SMG6: variants seen among roughly 807,000 people sequenced by gnomAD.
The protein encoded by SMG6 is telomerase-binding protein EST1A.
Under a neutral mutation model 142.2 loss-of-function variants are expected in SMG6, and 66 were observed. That is an observed-to-expected ratio of 0.46 (90% CI 0.38 to 0.57). The LOEUF (loss-of-function observed/expected upper bound fraction) is 0.57. SMG6 is among the 20% of genes least tolerant of loss of function. SMG6 has a pLI of 0.00. For synonymous variants in SMG6, 779 were observed against 702.4 expected (o/e 1.11, Z -1.72); for missense variants, 1,793 against 1,832.0 (o/e 0.98, Z 0.39).
chr17:2,093,499 T>C (rs1179272537), intron 13 of SMG6, among the ~76,000 whole-genome samples: 2 of 152,070 alleles, frequency 1.3e-5, no homozygotes, highest in Admixed American at 6.6e-5. Flanking sequence ...TGCTCGATAA[T>C]TGAGCAGCTG....
In SMG6 at chr17:2,219,279, G is replaced by A. The variant is rs373698221; in HGVS notation, c.2869+17213C>T. 1.2e-4 allele frequency among the ~76,000 whole-genome samples: 19 copies of A among 152,260 alleles called. No homozygotes were observed. The South Asian group carries it at 2.1e-3, about 17-fold the overall frequency. The stretch of plus-strand genomic sequence containing the variant: ...GGGCACCTGTAGTCCCAGCTACATC[G>A]GAGGCTGAGGCAGGAGAATAGCTTG... On this transcript the variant is annotated intron_variant, in intron 10 of 18. Coordinates refer to ENST00000263073, the MANE Select transcript of SMG6 (RefSeq NM_017575.5).
At chr17:2,139,611 G>A (rs892105388) in intron 13 of SMG6, among the ~76,000 whole-genome samples, 2 of 151,814 alleles carry the variant, frequency 1.3e-5, no homozygotes, top group Non-Finnish European at 2.9e-5. Flanking sequence ...AGTAGAGACG[G>A]GGTTTCGCCA....
chr17:2,136,132 G>C (rs2070295544), intron 13 of SMG6, among the ~76,000 whole-genome samples: 2 of 151,716 alleles, frequency 1.3e-5, no homozygotes, highest in South Asian at 4.2e-4. Context: ...GTGTGATCTT[G>C]GCTCACTGAA....
intron 10 of SMG6, among the ~76,000 whole-genome samples, chr17:2,212,380 T>C (rs747940010): frequency 1.3e-5 from 2 of 151,822 alleles, no homozygotes; most frequent in Non-Finnish European, 2.9e-5. Context: ...GACAGGGAAA[T>C]GGGGTGAGAT....
At position 2,071,686 on chromosome 17, in the gene SMG6, G is replaced by A. The variant is rs920055583; in HGVS notation, c.3682-2755C>T. ...CCCCGCATGCCCTCATGGAGTCTCA[G>A]GAGATGAGATGAAGCTGCTCCCTTT... On this transcript the variant is annotated intron_variant, in intron 15 of 18. Transcript: ENST00000263073. The surrounding 1 kb of genome is among the most constrained non-coding windows in gnomAD (Gnocchi z 5.6). Among the ~76,000 whole-genome samples, 8 of 152,200 alleles carry A rather than the reference G, an allele frequency of 5.3e-5. No homozygotes were observed. Among genetic ancestry groups the A allele is most frequent in the African/African-American group, 1.9e-4 (8 of 41,436 alleles).
At chr17:2,249,452 G>A (rs910448243) in intron 8 of SMG6, among the ~76,000 whole-genome samples, 4 of 152,046 alleles carry the variant, frequency 2.6e-5, no homozygotes, top group Non-Finnish European at 2.9e-5. Flanking sequence ...ATACCAATGT[G>A]CAGGGCTAAT....
chr17:2,174,083 GCAATAT>G (rs1474130307), intron 12 of SMG6, among the ~76,000 whole-genome samples: 1 of 152,146 alleles, frequency 6.6e-6, no homozygotes, highest in Non-Finnish European at 1.5e-5. Context: ...GTGGCAAGAG[GCAATAT>G]GTAAAGAGAG....
intron 13 of SMG6, among the ~76,000 whole-genome samples, chr17:2,144,026 A>G (rs551867123): frequency 3.4e-4 from 50 of 145,822 alleles, no homozygotes; most frequent in Non-Finnish European, 6.6e-4. Context: ...TACTGGGACT[A>G]TAAGTGCATG....
intron 8 of SMG6, among the ~76,000 whole-genome samples, chr17:2,259,279 T>G (rs1005780809): frequency 6.6e-6 from 1 of 151,250 alleles, no homozygotes; most frequent in African/African-American, 2.4e-5. Context: ...GACAATACCA[T>G]GCAAGTTGGC....
chr17:2,215,200 G>A (rs930386621), intron 10 of SMG6, among the ~76,000 whole-genome samples: 91 of 140,612 alleles, frequency 6.5e-4, no homozygotes, highest in African/African-American at 2.3e-3. Flanking sequence ...AGGCACTTGT[G>A]CGTACATTAT....
intron 15 of SMG6, among the ~76,000 whole-genome samples, chr17:2,080,689 GCA>G (rs1420693552): frequency 1.3e-5 from 2 of 151,350 alleles, no homozygotes; most frequent in East Asian, 3.9e-4. Context: ...AGGCTGGAGT[GCA>G]ATGGTGCAAG....
intron 10 of SMG6, among the ~76,000 whole-genome samples, chr17:2,219,406 A>G (rs566887493): frequency 6.6e-6 from 1 of 152,244 alleles, no homozygotes; most frequent in Admixed American, 6.5e-5. Context: ...ACAAAATAAG[A>G]TAAATAAAAT....
chr17:2,070,852 G>A (rs1330401509), intron 15 of SMG6, among the ~76,000 whole-genome samples: 1 of 152,186 alleles, frequency 6.6e-6, no homozygotes, highest in Non-Finnish European at 1.5e-5. Flanking sequence ...GCCACCTAGA[G>A]GGTGACAGGC....
At chr17:2,169,208 CCGCAG>C (rs879388714) in intron 13 of SMG6, among the ~76,000 whole-genome samples, 3 of 151,796 alleles carry the variant, frequency 2.0e-5, no homozygotes, top group Non-Finnish European at 4.4e-5. Context: ...GAAAGAGGTC[CCGCAG>C]AGGCGGGAGG....
At chr17:2,103,518 G>A (rs2069069546) in intron 13 of SMG6, among the ~76,000 whole-genome samples, 1 of 152,174 alleles carries the variant, frequency 6.6e-6, no homozygotes, top group Admixed American at 6.5e-5. Context: ...GAAAATTTCT[G>A]TTGCTGTCCA....
chr17:2,187,666 A>C (rs532043557), intron 11 of SMG6, among the ~76,000 whole-genome samples: 53 of 152,270 alleles, frequency 3.5e-4, no homozygotes, highest in African/African-American at 1.3e-3. Context: ...AGGGTATGTA[A>C]GAGTTCTCTG....
chr17:2,073,448 C>T (rs979012359), intron 15 of SMG6, among the ~76,000 whole-genome samples: 6 of 151,910 alleles, frequency 3.9e-5, no homozygotes, highest in Non-Finnish European at 8.8e-5. Flanking sequence ...CGGTGGCTCA[C>T]GCCTATAATC....
At chr17:2,121,167 A>C (rs1324345658) in intron 13 of SMG6, among the ~76,000 whole-genome samples, 2 of 152,234 alleles carry the variant, frequency 1.3e-5, no homozygotes, top group African/African-American at 4.8e-5. Flanking sequence ...GCATTTACTC[A>C]AGTGAAAACA....
chr17:2,219,873 T>G (rs1027775068), intron 10 of SMG6, among the ~76,000 whole-genome samples: 6 of 150,976 alleles, frequency 4.0e-5, no homozygotes, highest in Non-Finnish European at 5.9e-5. Context: ...ATCAAAAGTA[T>G]TAAGATGCCA....
Sources: allele counts gnomAD v4.1 joint callset (sites outside exome capture counted in the v4.1 genomes callset), GRCh38; gene constraint gnomAD v4.1.1; non-coding constraint Gnocchi (gnomAD v3.1); transcripts MANE v1.5; gene names NCBI Gene and HGNC (gene_info 2026-07-23, HGNC 2026-07-21).